NRAP: variants seen among roughly 807,000 people sequenced by gnomAD.
NRAP encodes the protein nebulin related anchoring protein, also known as nebulin-related-anchoring protein.
Under a neutral mutation model 225.9 loss-of-function variants are expected in NRAP, and 189 were observed. That is an observed-to-expected ratio of 0.84 (90% confidence interval 0.74 to 0.94). The LOEUF (loss-of-function observed/expected upper bound fraction) is 0.94. NRAP is among the 40% of genes least tolerant of loss of function. The pLI is 0.00. For synonymous variants in NRAP, 769 were observed against 790.7 expected, an observed-to-expected ratio of 0.97 and a Z score of 0.46; for missense variants, 2,176 against 2,168.7, an observed-to-expected ratio of 1.00 and a Z score of -0.07.
At chr10:113,600,973 G>A (rs1484365156) in intron 35 of NRAP, among the ~76,000 whole-genome samples, 1 of 152,208 alleles carries the variant, frequency 6.6e-6, no homozygotes, top group African/African-American at 2.4e-5. Context: ...AGGTCACACA[G>A]CTGTATGCAG....
intron 38 of NRAP, 82 bp downstream of exon 38, chr10:113,595,541 T>C: frequency 1.2e-6 from 1 of 860,990 alleles, no homozygotes; most frequent in Non-Finnish European, 1.9e-6. Context: ...GAACTTTTTT[T>C]TTTAAAAAAA....
intron 11 of NRAP, among the ~76,000 whole-genome samples, chr10:113,643,399 G>A (rs538426286): frequency 1.3e-5 from 2 of 152,340 alleles, no homozygotes; most frequent in East Asian, 1.9e-4. Context: ...TGTCTTAGGA[G>A]GATGTCTGGT....
At chr10:113,632,352 A>G (rs2419854) in intron 16 of NRAP, among the ~76,000 whole-genome samples, 43,490 of 152,234 alleles carry the variant, frequency 0.29, 6,464 homozygotes, top group Admixed American at 0.36. Flanking sequence ...CTGGTGAAGC[A>G]TAACATAAGT....
chr10:113,590,981 G>A, intron 39 of NRAP, 92 bp from the exon 40 acceptor site: 3 of 1,144,160 alleles, frequency 2.6e-6, no homozygotes, highest in Non-Finnish European at 3.8e-6. Flanking sequence ...ATTCTCAGCA[G>A]GAGGCTCAAG....
At chr10:113,608,901 G>A (rs371051264) in intron 31 of NRAP, among the ~76,000 whole-genome samples, 2 of 152,198 alleles carry the variant, frequency 1.3e-5, no homozygotes, top group South Asian at 2.1e-4. Flanking sequence ...GCTCATGCCT[G>A]TAATCCCAGC....
intron 32 of NRAP, 100 bp from the exon 33 acceptor site, chr10:113,606,382 CA>C: frequency 1.4e-6 from 1 of 701,140 alleles, no homozygotes. Flanking sequence ...AACACAATAG[CA>C]AAAAACCGTT....
At chr10:113,624,381 C>G (rs189475430) in intron 22 of NRAP, among the ~76,000 whole-genome samples, 57 of 152,316 alleles carry the variant, frequency 3.7e-4, no homozygotes, top group Non-Finnish European at 6.6e-4. Flanking sequence ...AACCTCATGA[C>G]AACCCAGTAA....
intron 36 of NRAP, 76 bp from the exon 37 acceptor site, chr10:113,597,260 C>A: frequency 3.4e-6 from 3 of 885,012 alleles, no homozygotes; most frequent in Admixed American, 1.7e-5. Flanking sequence ...CTTCACTCCA[C>A]CTTCTCAGTA....
intron 18 of NRAP, 137 bp downstream of exon 18, chr10:113,631,372 T>C (rs945599957): frequency 5.0e-5 from 30 of 603,334 alleles, no homozygotes; most frequent in African/African-American, 4.2e-4. Flanking sequence ...AACAAACTTC[T>C]TATGCAAGCC....
At chr10:113,661,454 AAGGGAGTC>A (rs1850672014) in intron 3 of NRAP, among the ~76,000 whole-genome samples, 1 of 152,110 alleles carries the variant, frequency 6.6e-6, no homozygotes, top group South Asian at 2.1e-4. Context: ...CTGGGCAGGG[AAGGGAGTC>A]AGTATGAGGT....
chr10:113,620,511 T>C, intron 25 of NRAP, 93 bp downstream of exon 25: 1 of 936,054 alleles, frequency 1.1e-6, no homozygotes, highest in Non-Finnish European at 1.7e-6. Flanking sequence ...TGCCTTTTTC[T>C]TTGCCTTTTG....
chr10:113,597,443 C>A (rs1315826663), intron 36 of NRAP, among the ~76,000 whole-genome samples: 1 of 152,154 alleles, frequency 6.6e-6, no homozygotes, highest in African/African-American at 2.4e-5. Flanking sequence ...TAAAGGAATT[C>A]AGTAAAGGGC....
Position 113,645,842 on chromosome 10 carries a change from T to C in NRAP, c.1093A>G (p.Asn365Asp). 1.9e-6 allele frequency: 3 copies of C among 1,597,974 alleles called. No individual in the cohort carries two copies. The highest frequency in any genetic ancestry group is 2.6e-6 in the Non-Finnish European group (3 of 1,166,642). ...NLVLKQAQSV[N>D]KLVSEVEYKK... ...ATACGCACCTCACTCACGAGTTTGT[T>C]TACGCTCTGAGCCTGTTTGAGAACC... The change falls in exon 11 of 42, where the codon AAC (asparagine) becomes GAC (aspartate). Residue 365 changes from asparagine to aspartate, a missense_variant. Asn to Asp is a conservative substitution (Grantham distance 23). Coordinates refer to ENST00000359988, the MANE Select transcript of NRAP (RefSeq NM_198060.4).
intron 14 of NRAP, among the ~76,000 whole-genome samples, chr10:113,635,638 G>T (rs1848827572): frequency 6.6e-6 from 1 of 152,140 alleles, no homozygotes; most frequent in African/African-American, 2.4e-5. Flanking sequence ...GTGTTGGCCA[G>T]GCTGGTCTGG....
At chr10:113,641,536 C>G (rs1194167628) in intron 12 of NRAP, 64 bp from the exon 13 acceptor site, 1 of 959,696 alleles carries the variant, frequency 1.0e-6, no homozygotes, top group Non-Finnish European at 1.7e-6. Context: ...AGATAAACTA[C>G]TCATCTTAAT....
At position 113,595,575 on chromosome 10, in the gene NRAP, C is replaced by T. The variant is rs758761897; in HGVS notation, c.4536+48G>A. 13 of 1,214,076 alleles carry T rather than the reference C, an allele frequency of 1.1e-5. No individual in the cohort carries two copies. The East Asian group carries it at 3.0e-4, about 28-fold the overall frequency. The allele number at this position is 1,214,076 out of a possible 1,614,324, so 75.2% of individuals were successfully genotyped here. ...AACGAAATCCACATTGGGCACAGAT[C>T]ATTTTACAAAAGTGGGCACACGTTC... On this transcript the variant is annotated intron_variant, in intron 38 of 41. Transcript: ENST00000359988.
At chr10:113,599,165 C>T (rs1846454684) in intron 35 of NRAP, among the ~76,000 whole-genome samples, 1 of 152,236 alleles carries the variant, frequency 6.6e-6, no homozygotes, top group African/African-American at 2.4e-5. Context: ...AAATCAGCCT[C>T]TCAGCCTTTT....
chr10:113,647,873 A>G (rs1279079728), intron 9 of NRAP, among the ~76,000 whole-genome samples: 3 of 152,214 alleles, frequency 2.0e-5, no homozygotes, highest in Non-Finnish European at 4.4e-5. Context: ...CCTTTCTTTT[A>G]TCTTCCCCAC....
intron 35 of NRAP, among the ~76,000 whole-genome samples, chr10:113,602,719 G>A (rs1846679160): frequency 6.6e-6 from 1 of 152,208 alleles, no homozygotes; most frequent in Admixed American, 6.5e-5. Flanking sequence ...TTGCCCTGAA[G>A]GCAACCAGAA....
Sources: gnomAD v4.1 joint callset for allele counts (sites outside exome capture counted in the v4.1 genomes callset) on GRCh38, gnomAD v4.1.1 for gene constraint, MANE v1.5 for transcripts, NCBI Gene and HGNC (gene_info 2026-07-23, HGNC 2026-07-21) for gene names.